The following PRKCA variants were observed in gnomAD, a reference collection of about 807,000 sequenced individuals.
PRKCA encodes the protein protein kinase C alpha type.
A neutral mutation model predicts 87.0 loss-of-function variants in PRKCA; 27 were observed. The observed-to-expected ratio is 0.31, with a 90% CI of 0.23 to 0.43. The LOEUF (loss-of-function observed/expected upper bound fraction) is 0.43, where lower values mean the gene tolerates loss of function less well. Among genes scored for constraint, PRKCA ranks in the 20% least tolerant of loss-of-function variants. The pLI, the probability that PRKCA is intolerant of heterozygous loss-of-function variation, is 1.00. For synonymous variants in PRKCA, 329 were observed against 311.1 expected, an observed-to-expected ratio of 1.06 and a Z score of -0.61; for missense variants, 518 against 852.3, an observed-to-expected ratio of 0.61 and a Z score of 4.88.
At chr17:66,431,103 C>T (rs1470364769) in intron 2 of PRKCA, among the ~76,000 whole-genome samples, 1 of 152,174 alleles carries the variant, frequency 6.6e-6, no homozygotes, top group Non-Finnish European at 1.5e-5. Context: ...GTTTGTGTAC[C>T]ACTAATGACT....
At chr17:66,314,875 ATGTGTGTGTGTG>A (rs56889057) in intron 2 of PRKCA, among the ~76,000 whole-genome samples, 6 of 148,560 alleles carry the variant, frequency 4.0e-5, no homozygotes, top group Non-Finnish European at 7.4e-5. Context: ...ATATATATAT[ATGTGTGTGTGTG>A]TGTGTGTGTG....
intron 3 of PRKCA, among the ~76,000 whole-genome samples, chr17:66,548,445 C>T (rs56331109): frequency 0.067 from 10,212 of 152,176 alleles, 404 homozygotes; most frequent in South Asian, 0.16. Flanking sequence ...CTAAAGGACA[C>T]GTCCTCTAAC....
At chr17:66,452,083 T>C (rs1169711332) in intron 2 of PRKCA, among the ~76,000 whole-genome samples, 1 of 152,198 alleles carries the variant, frequency 6.6e-6, no homozygotes, top group Admixed American at 6.5e-5. Flanking sequence ...GTATGGCCCC[T>C]CCATGCAGCA....
chr17:66,469,370 C>G (rs1455472465), intron 2 of PRKCA, among the ~76,000 whole-genome samples: 2 of 152,022 alleles, frequency 1.3e-5, no homozygotes, highest in African/African-American at 2.4e-5. Context: ...AAAAACAAAA[C>G]AAAACAAAAC....
intron 9 of PRKCA, among the ~76,000 whole-genome samples, chr17:66,733,706 C>T (rs1211677638): frequency 2.0e-5 from 3 of 152,094 alleles, no homozygotes; most frequent in African/African-American, 4.8e-5. Context: ...GCAGGAGAAT[C>T]GCTGGAACCT....
chr17:66,476,526 C>T (rs971399052), intron 2 of PRKCA, among the ~76,000 whole-genome samples: 10 of 152,090 alleles, frequency 6.6e-5, no homozygotes, highest in Middle Eastern at 3.2e-3. Context: ...CTGGGAGGGC[C>T]GGGGAAGAAG....
At chr17:66,765,459 T>C (rs1302316871) in intron 13 of PRKCA, among the ~76,000 whole-genome samples, 2 of 141,008 alleles carry the variant, frequency 1.4e-5, no homozygotes, top group African/African-American at 5.2e-5. Flanking sequence ...TATATATCCA[T>C]ATATATACAT....
At chr17:66,698,431 G>A (rs938446589) in intron 8 of PRKCA, among the ~76,000 whole-genome samples, 1 of 152,094 alleles carries the variant, frequency 6.6e-6, no homozygotes, top group Non-Finnish European at 1.5e-5. Context: ...AAATTTTGGA[G>A]GTGAAGAATA....
chr17:66,549,620 TG>T (rs1179146269), intron 3 of PRKCA, among the ~76,000 whole-genome samples: 3 of 152,228 alleles, frequency 2.0e-5, no homozygotes, highest in African/African-American at 7.2e-5. Flanking sequence ...AGCAGTTGTG[TG>T]AATTCCATTT....
chr17:66,414,922 G>A (rs1912047136), intron 2 of PRKCA: 1 of 151,872 alleles, frequency 6.6e-6, no homozygotes, highest in Non-Finnish European at 1.5e-5. Flanking sequence ...GAGTGGCAAG[G>A]TACAAATGCC....
At chr17:66,745,597 C>T (rs1974260562) in intron 13 of PRKCA, among the ~76,000 whole-genome samples, 1 of 152,120 alleles carries the variant, frequency 6.6e-6, no homozygotes, top group Admixed American at 6.6e-5. Flanking sequence ...AGGAGAATCG[C>T]TTGAACCTGG....
At chr17:66,724,178 C>T (rs1973684489) in intron 8 of PRKCA, among the ~76,000 whole-genome samples, 2 of 152,234 alleles carry the variant, frequency 1.3e-5, no homozygotes, top group South Asian at 4.2e-4. Flanking sequence ...AGGACCAGTG[C>T]CCAGCTACTT....
At chr17:66,491,945 C>T (rs537172502) in intron 2 of PRKCA, among the ~76,000 whole-genome samples, 1 of 152,366 alleles carries the variant, frequency 6.6e-6, no homozygotes, top group African/African-American at 2.4e-5. Flanking sequence ...GCTCCTCTTT[C>T]CTGTTCCCCT....
At chr17:66,358,036 G>A (rs762267580) in intron 2 of PRKCA, among the ~76,000 whole-genome samples, 17 of 152,128 alleles carry the variant, frequency 1.1e-4, no homozygotes, top group Non-Finnish European at 2.4e-4. Context: ...ATTGCCTTTT[G>A]TTCTGGAGTT....
At chr17:66,398,163 G>C (rs1207285541) in intron 2 of PRKCA, 2 of 152,176 alleles carry the variant, frequency 1.3e-5, no homozygotes, top group Non-Finnish European at 2.9e-5. Flanking sequence ...CCAAGGCTGG[G>C]AATTGAATGG....
intron 14 of PRKCA, among the ~76,000 whole-genome samples, chr17:66,778,739 G>A (rs532671658): frequency 5.0e-4 from 76 of 151,746 alleles, no homozygotes; most frequent in Admixed American, 4.0e-3. Flanking sequence ...TACGTAGGAG[G>A]CTGAGGTGGG....
At chr17:66,781,120 A>G (rs1234193189) in intron 14 of PRKCA, among the ~76,000 whole-genome samples, 2 of 152,160 alleles carry the variant, frequency 1.3e-5, no homozygotes, top group African/African-American at 4.8e-5. Flanking sequence ...AAATATAAAA[A>G]TAAAACACGG....
At chr17:66,718,831 C>T (rs1040419016) in intron 8 of PRKCA, among the ~76,000 whole-genome samples, 1 of 152,170 alleles carries the variant, frequency 6.6e-6, no homozygotes, top group African/African-American at 2.4e-5. Flanking sequence ...TTTGTTTTGA[C>T]ATCTGAACAT....
chr17:66,569,385 A>G (rs569533154), intron 3 of PRKCA, among the ~76,000 whole-genome samples: 1 of 152,150 alleles, frequency 6.6e-6, no homozygotes, highest in Non-Finnish European at 1.5e-5. Context: ...CCTGGCCAAC[A>G]TGGTGAAACT....
Sources: gnomAD v4.1 joint callset for allele counts (sites outside exome capture counted in the v4.1 genomes callset) on GRCh38, gnomAD v4.1.1 for gene constraint, MANE v1.5 for transcripts, NCBI Gene and HGNC (gene_info 2026-07-23, HGNC 2026-07-21) for gene names.